ZFPM2: variants seen among roughly 807,000 people sequenced by gnomAD.
ZFPM2 encodes the protein zinc finger protein, FOG family member 2.
A neutral mutation model predicts 98.6 loss-of-function variants in ZFPM2; 20 were observed. That is an observed-to-expected ratio of 0.20 (90% confidence interval 0.14 to 0.29). The LOEUF (loss-of-function observed/expected upper bound fraction) is 0.29, where lower values mean the gene tolerates loss of function less well. ZFPM2 is among the 10% of genes least tolerant of loss of function. The probability of loss-of-function intolerance (pLI) is 1.00; values close to 1 mark genes in which losing one functional copy is unlikely to be tolerated. For missense variants in ZFPM2, 1,310 were observed against 1,388.6 expected (o/e 0.94, Z 0.90); for synonymous variants, 518 against 502.7 (o/e 1.03, Z -0.41).
At position 105,653,854 on chromosome 8, in the gene ZFPM2, C is replaced by CTTTTTT. The variant is rs60218363; in HGVS notation, c.532+19525_532+19530dup. On this transcript the variant is annotated intron_variant, in intron 5 of 7. Coordinates refer to ENST00000407775, the MANE Select transcript of ZFPM2 (RefSeq NM_012082.4). Reference sequence around the variant, plus strand: ...CTTTATACAACAGCTTGTGTGCTATCTTTTTTTTTTTTTTTTTTTTTTTTT... The same window carrying CTTTTTT: ...CTTTATACAACAGCTTGTGTGCTATCTTTTTTTTTTTTTTTTTTTTTTTTTTTTTTT... Among the ~76,000 whole-genome samples, 282 of 35,288 alleles carry CTTTTTT rather than the reference C, an allele frequency of 8.0e-3. 71 individuals are homozygous for CTTTTTT. Among genetic ancestry groups the CTTTTTT allele is most frequent in the Non-Finnish European group, 0.01 (212 of 20,364 alleles). The allele number at this position is 35,288 out of a possible 152,430, so 23.2% of individuals were successfully genotyped here.
chr8:105,542,996 G>A (rs1814612623), intron 3 of ZFPM2, among the ~76,000 whole-genome samples: 1 of 152,026 alleles, frequency 6.6e-6, no homozygotes, highest in Non-Finnish European at 1.5e-5. Context: ...GGGTCATTAG[G>A]TTGTTACTAG....
rs1427615095 is a variant in ZFPM2 at position 105,804,478 on chromosome 8, C to A, written c.*940C>A. The A allele has an allele frequency of 6.6e-6, 1 of 152,552 alleles. No homozygotes were observed. Among genetic ancestry groups the A allele is most frequent in the African/African-American group, 2.4e-5 (1 of 41,424 alleles). The allele number at this position is 152,552 out of a possible 1,614,324, so 9.4% of individuals were successfully genotyped here. On this transcript the variant is annotated 3_prime_UTR_variant, in exon 8 of 8. Transcript: ENST00000407775. ...GTTCTACTTCTGATAGAAATAATTT[C>A]TCAACAAATGTTGTTACTATGCATG...
chr8:105,634,456 T>G (rs539649433), intron 5 of ZFPM2, 99 bp downstream of exon 5: 2 of 905,554 alleles, frequency 2.2e-6, no homozygotes, highest in South Asian at 3.1e-5. Flanking sequence ...AAAGTATAAA[T>G]TGATCCTCTT....
intron 1 of ZFPM2, among the ~76,000 whole-genome samples, chr8:105,398,027 T>A (rs1277601521): frequency 6.6e-6 from 1 of 152,140 alleles, no homozygotes; most frequent in Admixed American, 6.6e-5. Flanking sequence ...AACCAAAAAG[T>A]ATCCGCAGGT....
chr8:105,432,606 C>A (rs2130148986), intron 2 of ZFPM2, among the ~76,000 whole-genome samples: 1 of 152,214 alleles, frequency 6.6e-6, no homozygotes, highest in East Asian at 1.9e-4. Context: ...GGTTATAGTA[C>A]AGAATATCCT....
chr8:105,456,152 T>G (rs571584584), intron 3 of ZFPM2, among the ~76,000 whole-genome samples: 62 of 115,680 alleles, frequency 5.4e-4, no homozygotes, highest in African/African-American at 1.4e-3. Flanking sequence ...AAATGTTTTT[T>G]TTTGTTTGTT....
At chr8:105,420,511 C>T (rs1811771125) in intron 2 of ZFPM2, among the ~76,000 whole-genome samples, 1 of 152,106 alleles carries the variant, frequency 6.6e-6, no homozygotes, top group Non-Finnish European at 1.5e-5. Flanking sequence ...ACCTCCTTAA[C>T]CATGTAGACC....
At chr8:105,668,026 G>A (rs1170275707) in intron 5 of ZFPM2, among the ~76,000 whole-genome samples, 2 of 152,110 alleles carry the variant, frequency 1.3e-5, no homozygotes, top group African/African-American at 4.8e-5. Flanking sequence ...ATGAGGCCCC[G>A]GGACCAAAAA....
intron 1 of ZFPM2, among the ~76,000 whole-genome samples, chr8:105,363,474 A>G (rs1810446938): frequency 6.6e-6 from 1 of 152,142 alleles, no homozygotes. Context: ...AACATGTATT[A>G]TGTGCCCACC....
intron 1 of ZFPM2, among the ~76,000 whole-genome samples, chr8:105,338,570 G>A (rs1425891600): frequency 6.6e-6 from 1 of 151,822 alleles, no homozygotes; most frequent in East Asian, 1.9e-4. Flanking sequence ...TCTGAGAAAG[G>A]AATAAAGCCA....
intron 1 of ZFPM2, among the ~76,000 whole-genome samples, chr8:105,362,414 C>A (rs139158077): frequency 6.6e-6 from 1 of 151,936 alleles, no homozygotes; most frequent in Non-Finnish European, 1.5e-5. Flanking sequence ...TTATGTCTGA[C>A]GCCTACTGAA....
intron 3 of ZFPM2, among the ~76,000 whole-genome samples, chr8:105,485,225 A>G (rs1168212827): frequency 6.6e-6 from 1 of 152,180 alleles, no homozygotes; most frequent in Non-Finnish European, 1.5e-5. Context: ...AGAGTCCAAC[A>G]GCCAGCCTGC....
chr8:105,719,532 T>C (rs1352500152), intron 5 of ZFPM2, among the ~76,000 whole-genome samples: 1 of 151,956 alleles, frequency 6.6e-6, no homozygotes, highest in Non-Finnish European at 1.5e-5. Flanking sequence ...ATTTGTCACC[T>C]GGAACATATT....
chr8:105,699,415 T>C (rs1488020894), intron 5 of ZFPM2, among the ~76,000 whole-genome samples: 1 of 152,168 alleles, frequency 6.6e-6, no homozygotes, highest in Non-Finnish European at 1.5e-5. Flanking sequence ...TCTCTTTATA[T>C]GAGAATAATT....
chr8:105,561,590 C>A, intron 4 of ZFPM2, 109 bp downstream of exon 4: 1 of 950,636 alleles, frequency 1.1e-6, no homozygotes. Flanking sequence ...TAAAAATAAC[C>A]ATTTGTTTTT....
At chr8:105,420,206 T>TATA (rs755657953) in intron 2 of ZFPM2, among the ~76,000 whole-genome samples, 1 of 152,174 alleles carries the variant, frequency 6.6e-6, no homozygotes, top group African/African-American at 2.4e-5. Context: ...TGCAGATAAA[T>TATA]ATAATAAAGT....
chr8:105,547,191 C>T (rs1426970394), intron 3 of ZFPM2, among the ~76,000 whole-genome samples: 1 of 152,092 alleles, frequency 6.6e-6, no homozygotes, highest in Non-Finnish European at 1.5e-5. Context: ...TTCAACTCTA[C>T]TCTTGCTATA....
At chr8:105,752,728 A>G (rs1812508665) in intron 5 of ZFPM2, among the ~76,000 whole-genome samples, 1 of 152,102 alleles carries the variant, frequency 6.6e-6, no homozygotes, top group South Asian at 2.1e-4. Context: ...AACCTCTTCA[A>G]TTCATATGGT....
chr8:105,595,467 T>C (rs1288910638), intron 4 of ZFPM2, among the ~76,000 whole-genome samples: 8 of 152,140 alleles, frequency 5.3e-5, no homozygotes, highest in Non-Finnish European at 1.2e-4. Context: ...CTGTCTCAGA[T>C]GCCCACAGAA....
Sources: gnomAD v4.1 joint callset for allele counts (sites outside exome capture counted in the v4.1 genomes callset) on GRCh38, gnomAD v4.1.1 for gene constraint, MANE v1.5 for transcripts, NCBI Gene and HGNC (gene_info 2026-07-23, HGNC 2026-07-21) for gene names.